The following THSD4 variants were observed in gnomAD, a reference collection of about 807,000 sequenced individuals.
THSD4 encodes the protein thrombospondin type 1 domain containing 4.
THSD4 carries 69 observed loss-of-function variants against 119.0 expected under a neutral mutation model. The observed-to-expected ratio is 0.58, with a 90% CI of 0.48 to 0.71. The LOEUF (loss-of-function observed/expected upper bound fraction) is 0.71, where lower values mean the gene tolerates loss of function less well. THSD4 is among the 30% of genes least tolerant of loss of function. THSD4 has a pLI of 0.00. For synonymous variants in THSD4, 524 were observed against 540.4 expected, an observed-to-expected ratio of 0.97 and a Z score of 0.42; for missense variants, 1,393 against 1,391.1, an observed-to-expected ratio of 1.00 and a Z score of -0.02.
At position 71,416,402 on chromosome 15, in the gene THSD4, C is replaced by A. The variant is rs2046759703; in HGVS notation, c.1152+4579C>A. Among the ~76,000 whole-genome samples the A allele has an allele frequency of 1.9e-5, 2 of 107,716 alleles. 1 individual carries two copies. The highest frequency in any genetic ancestry group is 4.1e-5 in the Non-Finnish European group (2 of 49,046). The allele number at this position is 107,716 out of a possible 152,430, so 70.7% of individuals were successfully genotyped here. A position where few individuals can be genotyped will look rare whatever the true frequency, so the allele number is the denominator to read the frequency against. On this transcript the variant is annotated intron_variant, in intron 7 of 17. Coordinates refer to ENST00000261862, the MANE Select transcript of THSD4 (RefSeq NM_024817.3). ...GCTCTATTCTTACTTTTTTGAGGAACCTCCAAACTGTTCTCTATAGTGGTT... is the reference window on the plus strand; with the variant it reads ...GCTCTATTCTTACTTTTTTGAGGAAACTCCAAACTGTTCTCTATAGTGGTT...
chr15:71,398,903 G>A (rs1170501861), intron 6 of THSD4, among the ~76,000 whole-genome samples: 1 of 152,004 alleles, frequency 6.6e-6, no homozygotes, highest in African/African-American at 2.4e-5. Context: ...GGCCATAGGA[G>A]GGAGGCTTCC....
At chr15:71,686,847 A>T (rs922061398) in intron 8 of THSD4, among the ~76,000 whole-genome samples, 16 of 152,152 alleles carry the variant, frequency 1.1e-4, no homozygotes, top group Non-Finnish European at 1.0e-4. Context: ...TTCCAATAAA[A>T]CTTTATTTAC....
At chr15:71,287,872 A>T (rs890968405) in intron 6 of THSD4, among the ~76,000 whole-genome samples, 1 of 152,202 alleles carries the variant, frequency 6.6e-6, no homozygotes, top group Non-Finnish European at 1.5e-5. Flanking sequence ...AGGAATTTTT[A>T]ACTCTTCCAT....
At chr15:71,366,095 A>T (rs1230541566) in intron 6 of THSD4, among the ~76,000 whole-genome samples, 1 of 151,842 alleles carries the variant, frequency 6.6e-6, no homozygotes, top group Non-Finnish European at 1.5e-5. Context: ...TTTTGTTTAG[A>T]TGGAGTCTCA....
At position 71,434,462 on chromosome 15, in the gene THSD4, TA is replaced by T. The variant is rs1555413342; in HGVS notation, c.1152+22641del. ...TTTTTTTTTTTTTTTTTTTTTTTTT[TA>T]ATTTCTGAAGGGGTTTAAGGATTGA... On this transcript the variant is annotated intron_variant, in intron 7 of 17. Transcript: ENST00000261862. 1.7e-3 allele frequency among the ~76,000 whole-genome samples: 210 copies of T among 124,890 alleles called. 1 individual carries two copies. The highest frequency in any genetic ancestry group is 6.2e-3 in the African/African-American group (208 of 33,580). 81.9% of individuals were successfully genotyped at this position (124,890 alleles called of 152,430 possible).
At chr15:71,595,233 T>G (rs1302522506) in intron 7 of THSD4, among the ~76,000 whole-genome samples, 1 of 152,204 alleles carries the variant, frequency 6.6e-6, no homozygotes, top group Non-Finnish European at 1.5e-5. Context: ...CCTAAAGATT[T>G]GTTTTAACAA....
intron 6 of THSD4, among the ~76,000 whole-genome samples, chr15:71,326,145 C>G (rs1209694964): frequency 1.3e-5 from 2 of 152,122 alleles, no homozygotes; most frequent in African/African-American, 4.8e-5. Flanking sequence ...TGGTTTGAAC[C>G]CAGACTTGGC....
At chr15:71,275,332 G>A (rs1381955802) in intron 6 of THSD4, among the ~76,000 whole-genome samples, 1 of 152,178 alleles carries the variant, frequency 6.6e-6, no homozygotes, top group Admixed American at 6.5e-5. Flanking sequence ...GACTTCTCCA[G>A]GAAATCCTGG....
chr15:71,722,185 T>C (rs1187968292), intron 8 of THSD4, among the ~76,000 whole-genome samples: 1 of 152,158 alleles, frequency 6.6e-6, no homozygotes, highest in East Asian at 1.9e-4. Context: ...TGCAGGCATA[T>C]AAATTGTAGC....
At chr15:71,300,816 C>A (rs911439660) in intron 6 of THSD4, among the ~76,000 whole-genome samples, 4 of 152,154 alleles carry the variant, frequency 2.6e-5, no homozygotes, top group African/African-American at 9.7e-5. Context: ...ATTGTGCTGG[C>A]AAGTTCTAAT....
At chr15:71,135,030 T>G (rs1356194075) in intron 1 of THSD4, among the ~76,000 whole-genome samples, 1 of 146,038 alleles carries the variant, frequency 6.8e-6, no homozygotes. Flanking sequence ...TGGAATACTA[T>G]GCAGCCATAA....
chr15:71,728,558 G>T lies in THSD4; in HGVS notation c.1367G>T (p.Ser456Ile). The T allele has an allele frequency of 6.2e-7, 1 of 1,614,134 alleles. No homozygotes were observed. Among genetic ancestry groups the T allele is most frequent in the Non-Finnish European group, 8.5e-7 (1 of 1,179,996 alleles). The change falls in exon 9 of 18, where the codon AGT (serine) becomes ATT (isoleucine). Residue 456 changes from serine (S) to isoleucine (I), a missense_variant. Coordinates refer to ENST00000261862, the MANE Select transcript of THSD4 (RefSeq NM_024817.3). ...TGATTTTTCTCAACAGCCCTGAGAA[G>T]TCGTTCTGGACGCTCCATCATCAAT... ...YKSNNYLALRSRSGRSIINGN... is the reference protein window; with the variant it reads ...YKSNNYLALRIRSGRSIINGN...
intron 17 of THSD4, among the ~76,000 whole-genome samples, chr15:71,774,310 C>CA (rs11448201): frequency 0.31 from 23,036 of 73,614 alleles, 3,881 homozygotes; most frequent in African/African-American, 0.51. Context: ...GACTCTGTCT[C>CA]AAAAAAAAAA....
chr15:71,728,783 A>T (rs766596160), intron 9 of THSD4, 59 bp downstream of exon 9: 2 of 1,591,680 alleles, frequency 1.3e-6, no homozygotes, highest in South Asian at 2.2e-5. Flanking sequence ...CTTCTAAGGA[A>T]CATACTCTGA....
At chr15:71,698,653 A>AATATATACATGCATGTATATATTTCATGT (rs1567107333) in intron 8 of THSD4, among the ~76,000 whole-genome samples, 289 of 139,952 alleles carry the variant, frequency 2.1e-3, no homozygotes, top group African/African-American at 6.8e-3. Flanking sequence ...ATATACATGA[A>AATATATACATGCATGTATATATTTCATGT]ATATATACAT....
intron 5 of THSD4, among the ~76,000 whole-genome samples, chr15:71,255,199 C>T (rs1269245218): frequency 6.6e-6 from 1 of 152,052 alleles, no homozygotes; most frequent in Non-Finnish European, 1.5e-5. Flanking sequence ...TTTCAGGGGC[C>T]AGGCTCCTTT....
chr15:71,254,349 A>G (rs1302542507), intron 5 of THSD4, among the ~76,000 whole-genome samples: 1 of 152,174 alleles, frequency 6.6e-6, no homozygotes, highest in Non-Finnish European at 1.5e-5. Flanking sequence ...TGTAAATGAA[A>G]GGGGTTGGAT....
At chr15:71,752,479 G>C (rs2053465033) in intron 14 of THSD4, among the ~76,000 whole-genome samples, 1 of 152,182 alleles carries the variant, frequency 6.6e-6, no homozygotes, top group South Asian at 2.1e-4. Context: ...GTGCTATGGT[G>C]TAAGTAAATA....
intron 7 of THSD4, among the ~76,000 whole-genome samples, chr15:71,660,238 G>A (rs1489980728): frequency 2.6e-5 from 4 of 152,050 alleles, no homozygotes; most frequent in Non-Finnish European, 4.4e-5. Context: ...GAGTCCAACG[G>A]GGATTTTCAG....
Sources: allele counts gnomAD v4.1 joint callset (sites outside exome capture counted in the v4.1 genomes callset), GRCh38; gene constraint gnomAD v4.1.1; transcripts MANE v1.5; gene names NCBI Gene and HGNC (gene_info 2026-07-23, HGNC 2026-07-21).